Variants in HTT observed in about 807,000 individuals in gnomAD.
HTT encodes the protein huntington disease protein.
In HTT, 104 loss-of-function variants were observed where a neutral mutation model predicts 362.3. The ratio of observed to expected loss-of-function variants is 0.29; its 90% CI spans 0.24 to 0.34. HTT has a LOEUF of 0.34. Among genes scored for constraint, HTT ranks in the 10% least tolerant of loss-of-function variants. The pLI, the probability that HTT is intolerant of heterozygous loss-of-function variation, is 1.00. For synonymous variants in HTT, 1,577 were observed against 1,548.7 expected, an observed-to-expected ratio of 1.02 and a Z score of -0.43; for missense variants, 3,301 against 3,928.6, an observed-to-expected ratio of 0.84 and a Z score of 4.27.
At chr4:3,144,346 C>A (rs1051103213) in intron 23 of HTT, among the ~76,000 whole-genome samples, 1 of 152,068 alleles carries the variant, frequency 6.6e-6, no homozygotes, top group African/African-American at 2.4e-5. Flanking sequence ...GAGATGGAAT[C>A]TCACTCTGTT....
intron 26 of HTT, among the ~76,000 whole-genome samples, chr4:3,152,544 C>G (rs1268213168): frequency 1.3e-5 from 2 of 152,178 alleles, no homozygotes; most frequent in Non-Finnish European, 2.9e-5. Context: ...TTACCCAAAA[C>G]CTCCATGCCT....
intron 6 of HTT, among the ~76,000 whole-genome samples, chr4:3,108,863 TAGTG>T (rs1714573933): frequency 6.6e-6 from 1 of 151,920 alleles, no homozygotes; most frequent in Non-Finnish European, 1.5e-5. Context: ...CTGGGCAAGA[TAGTG>T]AGACCCTATC....
chr4:3,238,849 C>T lies in HTT; in HGVS notation c.9086C>T (p.Ser3029Leu), dbSNP rs1479674321. The T allele has an allele frequency of 2.5e-6, 4 of 1,612,376 alleles. No homozygotes were observed. The African/African-American group carries it at 4.0e-5, about 16-fold the overall frequency. Residue 3029 changes from serine (S) to leucine (L), a missense_variant, in exon 66 of 67, where the codon TCG becomes TTG. This residue lies in a region of HTT where 753 missense variants were observed against 1,021.3 expected (regional missense o/e 0.74). Transcript: ENST00000355072. ...CAGACTCTGCACAGCACCGGGCAGT[C>T]GTCCATGGTCCGGGACTGGGTCATG... ...VFQTLHSTGQ[S>L]SMVRDWVMLS...
chr4:3,205,094 TGTG>T, intron 42 of HTT, among the ~76,000 whole-genome samples: 1 of 152,254 alleles, frequency 6.6e-6, no homozygotes, highest in East Asian at 1.9e-4. Context: ...AAAAATAACT[TGTG>T]GGAGTTTTTA....
chr4:3,214,224 A>G (rs1720290803), intron 50 of HTT, 89 bp downstream of exon 50: 4 of 1,068,502 alleles, frequency 3.7e-6, no homozygotes, highest in Non-Finnish European at 4.9e-6. Flanking sequence ...TTTGCCAGGT[A>G]CTAAGCTAGG....
At chr4:3,092,800 C>T (rs1333820866) in intron 2 of HTT, among the ~76,000 whole-genome samples, 2 of 152,216 alleles carry the variant, frequency 1.3e-5, no homozygotes, top group Non-Finnish European at 2.9e-5. Context: ...CAGCATTTAT[C>T]TTCTTGCCTT....
chr4:3,120,827 C>T (rs1187973226), intron 8 of HTT, among the ~76,000 whole-genome samples: 1 of 152,152 alleles, frequency 6.6e-6, no homozygotes, highest in Non-Finnish European at 1.5e-5. Context: ...TGGCATACTG[C>T]CTTTAAAATG....
rs1553909045 is a variant in HTT at position 3,074,936 on chromosome 4, A to AGCAGCAGCAGCAG, written c.111_112insGCAGCAGCAGCAG (p.Gln38AlafsTer49). 25 of 1,216,878 alleles carry AGCAGCAGCAGCAG rather than the reference A, an allele frequency of 2.1e-5. No homozygotes were observed. The highest frequency in any genetic ancestry group is 8.1e-5 in the Admixed American group (3 of 36,898). The allele number at this position is 1,216,878 out of a possible 1,614,324, so 75.4% of individuals were successfully genotyped here. A position where few individuals can be genotyped will look rare whatever the true frequency, so the allele number is the denominator to read the frequency against. On this transcript the variant is annotated frameshift_variant, in exon 1 of 67. Transcript: ENST00000355072. LOFTEE classifies it high-confidence loss of function. ...AGCAGCAGCAGCAGCAGCAGCAGCA[A>AGCAGCAGCAGCAG]CAGCCGCCACCGCCGCCGCCGCCGC...
rs73792188 is a variant in HTT, at chr4:3,090,069, C to G, written c.347+3047C>G. 8.5e-3 allele frequency among the ~76,000 whole-genome samples: 1,290 copies of G among 152,266 alleles called. 25 individuals carry two copies. Among genetic ancestry groups the G allele is most frequent in the African/African-American group, 0.03 (1,238 of 41,554 alleles). On this transcript the variant is annotated intron_variant, in intron 2 of 66. Transcript: ENST00000355072. ...ATATGTTTTATGGAAACTTATTGCT[C>G]ATCGCTGTTTCCTGTTAACTCTCCT...
At chr4:3,156,552 A>G (rs1717158484) in intron 27 of HTT, among the ~76,000 whole-genome samples, 1 of 152,276 alleles carries the variant, frequency 6.6e-6, no homozygotes, top group Non-Finnish European at 1.5e-5. Context: ...GATGAATTAA[A>G]TAAACTAAGG....
chr4:3,234,264 G>A (rs1449045956), intron 61 of HTT, among the ~76,000 whole-genome samples: 1 of 152,256 alleles, frequency 6.6e-6, no homozygotes, highest in Non-Finnish European at 1.5e-5. Flanking sequence ...AGGGACAGCG[G>A]CTCATCAGGG....
chr4:3,184,661 G>A (rs1470001772), intron 37 of HTT, among the ~76,000 whole-genome samples: 1 of 152,148 alleles, frequency 6.6e-6, no homozygotes, highest in Non-Finnish European at 1.5e-5. Context: ...ATTGGGGGCA[G>A]CAGGAGGTCA....
chr4:3,078,404 C>T (rs1207888165), intron 1 of HTT, among the ~76,000 whole-genome samples: 1 of 152,148 alleles, frequency 6.6e-6, no homozygotes, highest in African/African-American at 2.4e-5. Flanking sequence ...CGTGGAGGAA[C>T]TTCAAAGCAG....
intron 15 of HTT, 113 bp downstream of exon 15, chr4:3,131,510 G>A (rs1472169376): frequency 4.0e-6 from 6 of 1,490,232 alleles, no homozygotes; most frequent in African/African-American, 1.4e-5. Flanking sequence ...CTGAGGATGA[G>A]TTTGGTTTTC....
At chr4:3,183,604 C>G (rs1475488610) in intron 37 of HTT, among the ~76,000 whole-genome samples, 2 of 152,180 alleles carry the variant, frequency 1.3e-5, no homozygotes, top group Non-Finnish European at 2.9e-5. Flanking sequence ...GGAATGTTAT[C>G]TTGAGACCAG....
At chr4:3,195,442 C>G (rs1050064188) in intron 40 of HTT, among the ~76,000 whole-genome samples, 3 of 152,132 alleles carry the variant, frequency 2.0e-5, no homozygotes, top group African/African-American at 7.2e-5. Context: ...GCACTGCCAT[C>G]GTGGTCTCCG....
chr4:3,116,831 C>T (rs568882392), intron 8 of HTT, among the ~76,000 whole-genome samples: 1 of 152,342 alleles, frequency 6.6e-6, no homozygotes, highest in African/African-American at 2.4e-5. Flanking sequence ...TTGTAGCACG[C>T]TTACTCAGGT....
At chr4:3,139,976 CT>C (rs1208243893) in intron 21 of HTT, among the ~76,000 whole-genome samples, 1 of 151,838 alleles carries the variant, frequency 6.6e-6, no homozygotes, top group Non-Finnish European at 1.5e-5. Context: ...CAGCACCCAG[CT>C]GGGCGTGGGG....
intron 10 of HTT, among the ~76,000 whole-genome samples, chr4:3,123,683 T>C (rs1331528098): frequency 6.6e-6 from 1 of 152,138 alleles, no homozygotes; most frequent in Non-Finnish European, 1.5e-5. Flanking sequence ...GAATGAGACC[T>C]TGTGTCTTAA....
Sources: gnomAD v4.1 joint callset for allele counts (sites outside exome capture counted in the v4.1 genomes callset) on GRCh38, gnomAD v4.1.1 for gene constraint, gnomAD v4.1.1 regional missense constraint, MANE v1.5 for transcripts, NCBI Gene and HGNC (gene_info 2026-07-23, HGNC 2026-07-21) for gene names.